The following ANXA8 variants were observed in gnomAD, a reference collection of about 807,000 sequenced individuals.
ANXA8 encodes the protein annexin A8, also known as VAC-beta.
A neutral mutation model predicts 26.8 loss-of-function variants in ANXA8; 9 were observed. The observed-to-expected ratio is 0.34, with a 90% confidence interval of 0.20 to 0.59. The LOEUF (loss-of-function observed/expected upper bound fraction) is 0.59, where lower values mean the gene tolerates loss of function less well. Ranked by LOEUF, ANXA8 falls within the 20% of genes least tolerant of loss-of-function variation. ANXA8 has a pLI of 0.84. For missense variants in ANXA8, 83 were observed against 238.5 expected (o/e 0.35, Z 4.29); for synonymous variants, 39 against 94.8 (o/e 0.41, Z 3.42).
the ANXA8 span, among the ~76,000 whole-genome samples, chr10:47,966,574 A>G: frequency 1.4e-5 from 2 of 147,780 alleles, no homozygotes; most frequent in East Asian, 3.9e-4. Context: ...CTCCCCTCAG[A>G]CCCACGGCTG....
intron 1 of ANXA8, among the ~76,000 whole-genome samples, chr10:47,481,527 G>A (rs1839797493): frequency 6.7e-6 from 1 of 148,416 alleles, no homozygotes; most frequent in Non-Finnish European, 1.5e-5. Context: ...AGGCATCTCA[G>A]CTCTCAGTGC....
chr10:47,704,193 A>C, the ANXA8 span, among the ~76,000 whole-genome samples: 1 of 142,814 alleles, frequency 7.0e-6, no homozygotes, highest in African/African-American at 2.4e-5. Flanking sequence ...GTTTAAGATA[A>C]TTTATAATAT....
At chr10:47,529,219 G>A in the ANXA8 span, among the ~76,000 whole-genome samples, 1 of 142,078 alleles carries the variant, frequency 7.0e-6, no homozygotes, top group Non-Finnish European at 1.5e-5. Flanking sequence ...CAAAAAGTTT[G>A]TAATGATCTT....
upstream of ANXA8, chr10:47,487,246 C>CT: frequency 8.0e-7 from 1 of 1,246,258 alleles, no homozygotes; most frequent in South Asian, 1.4e-5. Context: ...TTTATTGAGA[C>CT]TGGGGAAGGG....
chr10:47,546,527 T>C, the ANXA8 span, among the ~76,000 whole-genome samples: 17 of 133,536 alleles, frequency 1.3e-4, no homozygotes, highest in Non-Finnish European at 2.6e-4. Flanking sequence ...CTCAGCCTCC[T>C]GAGTAGCTGG....
chr10:47,604,995 T>C, the ANXA8 span, among the ~76,000 whole-genome samples: 1 of 151,334 alleles, frequency 6.6e-6, no homozygotes, highest in Admixed American at 6.6e-5. Flanking sequence ...CTTCATGAGA[T>C]GCTTTATCAC....
At chr10:47,948,958 GT>G in the ANXA8 span, among the ~76,000 whole-genome samples, 21 of 121,336 alleles carry the variant, frequency 1.7e-4, no homozygotes, top group South Asian at 5.8e-4. Context: ...CTGGGAGGTG[GT>G]TTTTTTTTTC....
chr10:47,615,505 C>A, the ANXA8 span, among the ~76,000 whole-genome samples: 2 of 74,156 alleles, frequency 2.7e-5, no homozygotes, highest in African/African-American at 7.8e-5. Context: ...CAGCAGCTGA[C>A]CATTCACACC....
At chr10:47,949,523 A>ATC in the ANXA8 span, among the ~76,000 whole-genome samples, 2 of 150,568 alleles carry the variant, frequency 1.3e-5, no homozygotes, top group African/African-American at 4.9e-5. Context: ...TCATTTTTAA[A>ATC]TTTCCTTAAA....
the ANXA8 span, among the ~76,000 whole-genome samples, chr10:47,612,898 T>C: frequency 1.3e-5 from 1 of 74,510 alleles, no homozygotes; most frequent in East Asian, 2.6e-4. Flanking sequence ...CTGTAGAAAA[T>C]AAATTCAGTT....
chr10:47,660,637 G>T, the ANXA8 span, among the ~76,000 whole-genome samples: 1 of 151,796 alleles, frequency 6.6e-6, no homozygotes, highest in Admixed American at 6.6e-5. Flanking sequence ...CTGACCTCCA[G>T]TGATCTGCCT....
chr10:47,721,195 A>C, the ANXA8 span, among the ~76,000 whole-genome samples: 1 of 141,878 alleles, frequency 7.0e-6, no homozygotes, highest in Non-Finnish European at 1.6e-5. Flanking sequence ...ACATTGATTT[A>C]TTAATAGTTA....
the ANXA8 span, among the ~76,000 whole-genome samples, chr10:47,594,271 C>T: frequency 6.7e-6 from 1 of 148,380 alleles, no homozygotes; most frequent in Admixed American, 6.7e-5. Flanking sequence ...CTAATACAAA[C>T]CCCATCTAAA....
chr10:47,957,126 G>T, the ANXA8 span, among the ~76,000 whole-genome samples: 1 of 150,048 alleles, frequency 6.7e-6, no homozygotes. Context: ...GCTGAGCAAG[G>T]TTGGCAGTGA....
At chr10:47,958,977 C>T in the ANXA8 span, among the ~76,000 whole-genome samples, 1 of 150,188 alleles carries the variant, frequency 6.7e-6, no homozygotes, top group Non-Finnish European at 1.5e-5. Context: ...GGGACACAGC[C>T]AAATCATATC....
chr10:47,937,613 C>A, the ANXA8 span, among the ~76,000 whole-genome samples: 104,629 of 128,208 alleles, frequency 0.82, 44,076 homozygotes, highest in African/African-American at 0.94. Context: ...CCTCTCCCTC[C>A]TCCTACTCTC....
the ANXA8 span, among the ~76,000 whole-genome samples, chr10:47,734,148 T>C: frequency 2.8e-5 from 4 of 141,848 alleles, no homozygotes; most frequent in African/African-American, 1.1e-4. Context: ...AACATCATCA[T>C]TGGCTGCAAT....
At chr10:47,924,654 C>A in the ANXA8 span, among the ~76,000 whole-genome samples, 1 of 151,852 alleles carries the variant, frequency 6.6e-6, no homozygotes, top group African/African-American at 2.4e-5. Context: ...GACCAAGAAC[C>A]GGTGGAACTG....
the ANXA8 span, among the ~76,000 whole-genome samples, chr10:47,571,928 G>T: frequency 6.9e-6 from 1 of 145,906 alleles, no homozygotes; most frequent in South Asian, 2.2e-4. Flanking sequence ...ATGAGCCACT[G>T]CACCTGACCA....
Sources: allele counts gnomAD v4.1 joint callset (sites outside exome capture counted in the v4.1 genomes callset), GRCh38; gene constraint gnomAD v4.1.1; transcripts MANE v1.5; gene names NCBI Gene and HGNC (gene_info 2026-07-23, HGNC 2026-07-21).